MLLT1: variants seen among roughly 807,000 people sequenced by gnomAD.
MLLT1 encodes protein ENL.
MLLT1 carries 11 observed loss-of-function variants against 55.1 expected under a neutral mutation model. That is an observed-to-expected ratio of 0.20 (90% CI 0.13 to 0.33). The LOEUF is 0.33. MLLT1 is among the 10% of genes least tolerant of loss of function. The pLI, the probability that MLLT1 is intolerant of heterozygous loss-of-function variation, is 1.00. For missense variants in MLLT1, 536 were observed against 760.6 expected, an observed-to-expected ratio of 0.70 and a Z score of 3.47; for synonymous variants, 323 against 320.1, an observed-to-expected ratio of 1.01 and a Z score of -0.10.
In MLLT1 at chr19:6,226,873, G is replaced by T; in HGVS notation, c.546+104C>A. 2 of 902,452 alleles carry T rather than the reference G, an allele frequency of 2.2e-6. No individual in the cohort carries two copies. Among genetic ancestry groups the T allele is most frequent in the Non-Finnish European group, 3.2e-6 (2 of 633,796 alleles). The allele number at this position is 902,452 out of a possible 1,614,324, so 55.9% of individuals were successfully genotyped here. ...AAAGAGGAAGACGCCAAGGGAGCGA[G>T]CAGGTGCGGAAGGCCCAGCCCAGTG... On this transcript the variant is annotated intron_variant, in intron 5 of 11. Transcript: ENST00000252674. The surrounding 1 kb of genome is among the most constrained non-coding windows in gnomAD (Gnocchi z 6.3).
chr19:6,263,777 G>A (rs529122306), intron 2 of MLLT1, among the ~76,000 whole-genome samples: 6 of 152,318 alleles, frequency 3.9e-5, no homozygotes, highest in Admixed American at 1.3e-4. Flanking sequence ...ACGAGGACAC[G>A]ATGGGCAAGG....
chr19:6,270,841 G>T lies in MLLT1; in HGVS notation c.13-82C>A. On this transcript the variant is annotated intron_variant, in intron 1 of 11. Coordinates refer to ENST00000252674, the MANE Select transcript of MLLT1 (RefSeq NM_005934.4). This position sits in a 1 kb window ranked among gnomAD's most constrained non-coding sequence, Gnocchi z 7.1. Reference sequence around the variant, plus strand: ...GTCCCCTTACCCACAGAGAACTTTCGATAAAGACCCCCAGCAGTGCAATAC... The same window carrying T: ...GTCCCCTTACCCACAGAGAACTTTCTATAAAGACCCCCAGCAGTGCAATAC... The T allele has an allele frequency of 7.4e-7, 1 of 1,349,110 alleles. No individual in the cohort carries two copies. Among genetic ancestry groups the T allele is most frequent in the Non-Finnish European group, 1.0e-6 (1 of 990,030 alleles). 83.6% of individuals were successfully genotyped at this position (1,349,110 alleles called of 1,614,324 possible).
At chr19:6,224,456 G>T (rs569982918) in intron 5 of MLLT1, among the ~76,000 whole-genome samples, 1 of 152,344 alleles carries the variant, frequency 6.6e-6, no homozygotes, top group South Asian at 2.1e-4. Flanking sequence ...AATGCCACCT[G>T]CCACCCTGGC....
At chr19:6,214,677 C>T (rs1422379760) in intron 8 of MLLT1, among the ~76,000 whole-genome samples, 10 of 152,168 alleles carry the variant, frequency 6.6e-5, no homozygotes, top group Non-Finnish European at 1.5e-4. Flanking sequence ...AGCCTGGGCC[C>T]ATTTTTCTCT....
intron 8 of MLLT1, among the ~76,000 whole-genome samples, chr19:6,215,691 A>G (rs1023351514): frequency 7.2e-5 from 11 of 152,184 alleles, no homozygotes; most frequent in Non-Finnish European, 1.6e-4. Flanking sequence ...AGTAGGAGCC[A>G]CTGAGGCCTG....
At chr19:6,239,626 C>T (rs147513131) in intron 3 of MLLT1, among the ~76,000 whole-genome samples, 11 of 152,164 alleles carry the variant, frequency 7.2e-5, no homozygotes, top group African/African-American at 2.7e-4. Flanking sequence ...CCCACCCACA[C>T]ACCCATGTAC....
At chr19:6,241,973 G>A (rs949847304) in intron 3 of MLLT1, among the ~76,000 whole-genome samples, 11 of 152,206 alleles carry the variant, frequency 7.2e-5, no homozygotes, top group African/African-American at 1.2e-4. Flanking sequence ...GGGGCTGCCC[G>A]CCTCCTGAAC....
rs1483265469 is a variant in MLLT1 at position 6,256,524 on chromosome 19, G to A, written c.276+5704C>T. ...AATCTCAGCACTTTGGGAGGCCGAG[G>A]TGGGTGGATCATGAGGTCAGGAGAT... On this transcript the variant is annotated intron_variant, in intron 3 of 11. Transcript: ENST00000252674. The surrounding 1 kb of genome is among the most constrained non-coding windows in gnomAD (Gnocchi z 4.1). 6.6e-6 allele frequency among the ~76,000 whole-genome samples: 1 copy of A among 152,124 alleles called. No homozygotes were observed. Among genetic ancestry groups the A allele is most frequent in the African/African-American group, 2.4e-5 (1 of 41,430 alleles).
At chr19:6,215,254 C>A (rs111551684) in intron 8 of MLLT1, among the ~76,000 whole-genome samples, 1 of 152,236 alleles carries the variant, frequency 6.6e-6, no homozygotes, top group Non-Finnish European at 1.5e-5. Context: ...GCGTGTGGCT[C>A]GGTCCCTGTG....
At chr19:6,279,509 G>A (rs983222811) in intron 1 of MLLT1, among the ~76,000 whole-genome samples, 4 of 151,814 alleles carry the variant, frequency 2.6e-5, no homozygotes, top group Non-Finnish European at 5.9e-5. Flanking sequence ...GGGGGTCTCC[G>A]AGCCAGGCTG....
rs1447212119 is a variant in MLLT1 at position 6,235,358 on chromosome 19, T to A, written c.277-4645A>T. On this transcript the variant is annotated intron_variant, in intron 3 of 11. Coordinates refer to ENST00000252674, the MANE Select transcript of MLLT1 (RefSeq NM_005934.4). This position sits in a 1 kb window ranked among gnomAD's most constrained non-coding sequence, Gnocchi z 5.5. ...ACGGTCCTGCCTCCTAGGCCTCAGGTTCCTCACGGGCAGCATGGGGGGATT... is the reference window on the plus strand; with the variant it reads ...ACGGTCCTGCCTCCTAGGCCTCAGGATCCTCACGGGCAGCATGGGGGGATT... Among the ~76,000 whole-genome samples the A allele has an allele frequency of 2.6e-5, 4 of 152,076 alleles. No homozygotes were observed. Among genetic ancestry groups the A allele is most frequent in the African/African-American group, 9.7e-5 (4 of 41,412 alleles).
At chr19:6,241,086 A>G (rs2091108713) in intron 3 of MLLT1, among the ~76,000 whole-genome samples, 1 of 152,224 alleles carries the variant, frequency 6.6e-6, no homozygotes, top group South Asian at 2.1e-4. Flanking sequence ...AGATGAGCCC[A>G]TGAAAGTCAC....
rs776002893 is a variant in MLLT1 at position 6,262,669 on chromosome 19, G to A, written c.194-359C>T. ...CCGACTCAGGTGGATGTCGGTAAGC[G>A]TGACCTGGGTGAGGTGTGAAACCCA... On this transcript the variant is annotated intron_variant, in intron 2 of 11. Transcript: ENST00000252674. The surrounding 1 kb of genome is among the most constrained non-coding windows in gnomAD (Gnocchi z 4.4). Among the ~76,000 whole-genome samples the A allele has an allele frequency of 6.6e-6, 1 of 152,062 alleles. No individual in the cohort carries two copies. The highest frequency in any genetic ancestry group is 1.5e-5 in the Non-Finnish European group (1 of 67,996).
intron 1 of MLLT1, among the ~76,000 whole-genome samples, chr19:6,272,190 T>C (rs2144963419): frequency 6.6e-6 from 1 of 151,538 alleles, no homozygotes; most frequent in South Asian, 2.1e-4. Flanking sequence ...TCTGAGACGC[T>C]CGTCTCTTTT....
At position 6,227,219 on chromosome 19, in the gene MLLT1, G is replaced by C; in HGVS notation, c.421-117C>G. On this transcript the variant is annotated intron_variant, in intron 4 of 11. Coordinates refer to ENST00000252674, the MANE Select transcript of MLLT1 (RefSeq NM_005934.4). This position sits in a 1 kb window ranked among gnomAD's most constrained non-coding sequence, Gnocchi z 5.1. ...GGAGGGGAGAAGGGAGAGCCTGAGCGCTTTCCCGAAAGAATCCCAGGTGCT... is the reference window on the plus strand; with the variant it reads ...GGAGGGGAGAAGGGAGAGCCTGAGCCCTTTCCCGAAAGAATCCCAGGTGCT... 2 of 1,123,662 alleles carry C rather than the reference G, an allele frequency of 1.8e-6. No individual in the cohort carries two copies. Among genetic ancestry groups the C allele is most frequent in the South Asian group, 3.3e-5 (2 of 59,706 alleles). The allele number at this position is 1,123,662 out of a possible 1,614,324, so 69.6% of individuals were successfully genotyped here.
chr19:6,224,390 A>G (rs1374783455), intron 5 of MLLT1, among the ~76,000 whole-genome samples: 1 of 152,200 alleles, frequency 6.6e-6, no homozygotes, highest in East Asian at 1.9e-4. Flanking sequence ...GGGGTGTGGA[A>G]TGGGGCTGTG....
At chr19:6,265,446 G>A (rs1166298909) in intron 2 of MLLT1, among the ~76,000 whole-genome samples, 3 of 152,180 alleles carry the variant, frequency 2.0e-5, no homozygotes, top group Non-Finnish European at 4.4e-5. Context: ...TGAGGAAGGC[G>A]AATCACCTGA....
intron 6 of MLLT1, among the ~76,000 whole-genome samples, chr19:6,218,626 T>G (rs1044824205): frequency 2.6e-5 from 4 of 151,806 alleles, no homozygotes; most frequent in African/African-American, 4.8e-5. Flanking sequence ...CCCACCCGCC[T>G]CCTCCTCCTG....
At position 6,227,794 on chromosome 19, in the gene MLLT1, A is replaced by G. The variant is rs1446636421; in HGVS notation, c.421-692T>C. Among the ~76,000 whole-genome samples, 1 of 152,206 alleles carries G rather than the reference A, an allele frequency of 6.6e-6. No individual in the cohort carries two copies. Among genetic ancestry groups the G allele is most frequent in the African/African-American group, 2.4e-5 (1 of 41,454 alleles). On this transcript the variant is annotated intron_variant, in intron 4 of 11. Transcript: ENST00000252674. This position sits in a 1 kb window ranked among gnomAD's most constrained non-coding sequence, Gnocchi z 5.1. ...CTGGGGTCCTTCCAGGAGGGCTCCC[A>G]GGAAACACCTGCTGTGCAGGGGGAA... is the stretch of plus-strand genomic sequence containing the variant.
Sources: allele counts gnomAD v4.1 joint callset (sites outside exome capture counted in the v4.1 genomes callset), GRCh38; gene constraint gnomAD v4.1.1; non-coding constraint Gnocchi (gnomAD v3.1); transcripts MANE v1.5; gene names NCBI Gene and HGNC (gene_info 2026-07-23, HGNC 2026-07-21).